The following ARMC9 variants were observed in gnomAD, a reference collection of about 807,000 sequenced individuals.
The protein encoded by ARMC9 is lisH domain-containing protein ARMC9.
In ARMC9, 94 loss-of-function variants were observed where a neutral mutation model predicts 107.0. The ratio of observed to expected loss-of-function variants is 0.88; its 90% CI spans 0.74 to 1.04. The LOEUF (loss-of-function observed/expected upper bound fraction) is 1.04. Ranked by LOEUF, ARMC9 falls within the 50% of genes least tolerant of loss-of-function variation. The probability of loss-of-function intolerance (pLI) is 0.00; values close to 1 mark genes in which losing one functional copy is unlikely to be tolerated. For missense variants in ARMC9, 942 were observed against 1,030.1 expected, an observed-to-expected ratio of 0.91 and a Z score of 1.17; for synonymous variants, 380 against 396.9, an observed-to-expected ratio of 0.96 and a Z score of 0.51.
At chr2:231,248,360 C>A (rs1268337792) in intron 9 of ARMC9, among the ~76,000 whole-genome samples, 1 of 152,142 alleles carries the variant, frequency 6.6e-6, no homozygotes, top group Non-Finnish European at 1.5e-5. Context: ...AGTGGCCTTT[C>A]TGGTTGTGTC....
chr2:231,307,919 A>G (rs986250790), intron 19 of ARMC9, among the ~76,000 whole-genome samples: 1 of 152,264 alleles, frequency 6.6e-6, no homozygotes, highest in Non-Finnish European at 1.5e-5. Flanking sequence ...ACTGCAGAGC[A>G]GGTGACATCC....
At chr2:231,229,355 G>A (rs917573953) in intron 7 of ARMC9, among the ~76,000 whole-genome samples, 6 of 152,150 alleles carry the variant, frequency 3.9e-5, no homozygotes, top group Admixed American at 6.6e-5. Context: ...ATTGTTCTGT[G>A]TATCTTGATA....
intron 12 of ARMC9, among the ~76,000 whole-genome samples, chr2:231,267,132 G>C (rs1027929591): frequency 2.6e-5 from 4 of 152,322 alleles, no homozygotes; most frequent in South Asian, 4.1e-4. Context: ...TCCCCTCTGG[G>C]GACATTGGTA....
At chr2:231,273,946 G>C (rs899833110) in intron 14 of ARMC9, among the ~76,000 whole-genome samples, 17 of 152,082 alleles carry the variant, frequency 1.1e-4, no homozygotes, top group African/African-American at 3.9e-4. Context: ...TCTGCTTTCT[G>C]TCGATTGACT....
At chr2:231,265,071 C>G (rs1039960773) in intron 12 of ARMC9, among the ~76,000 whole-genome samples, 1 of 151,826 alleles carries the variant, frequency 6.6e-6, no homozygotes, top group Non-Finnish European at 1.5e-5. Context: ...GCATTCTAGC[C>G]TGGCGACAGA....
intron 4 of ARMC9, 60 bp downstream of exon 4, chr2:231,215,061 G>C: frequency 1.9e-6 from 3 of 1,558,062 alleles, no homozygotes; most frequent in South Asian, 1.1e-5. Context: ...AGTGTTTGCT[G>C]TCATTGTCCA....
intron 18 of ARMC9, chr2:231,295,797 TCCTCTCTGTG>T (rs2041325019): frequency 6.5e-6 from 1 of 153,938 alleles, no homozygotes; most frequent in South Asian, 2.0e-4. Context: ...AGTCTCTCTT[TCCTCTCTGTG>T]CCTCTCTGTA....
At chr2:231,216,559 C>A in intron 4 of ARMC9, 79 bp from the exon 5 acceptor site, 1 of 1,479,174 alleles carries the variant, frequency 6.8e-7, no homozygotes, top group South Asian at 1.3e-5. Context: ...ACAGAAGGAG[C>A]CTCAGAGAGA....
intron 12 of ARMC9, 106 bp downstream of exon 12, chr2:231,262,504 A>G (rs2038463756): frequency 1.8e-6 from 2 of 1,108,952 alleles, no homozygotes; most frequent in Non-Finnish European, 2.7e-6. Flanking sequence ...TCAGCTTCGT[A>G]ACTGTATGTC....
chr2:231,215,716 T>TG (rs2033425582), intron 4 of ARMC9, among the ~76,000 whole-genome samples: 1 of 152,200 alleles, frequency 6.6e-6, no homozygotes, highest in Non-Finnish European at 1.5e-5. Context: ...CGTGCATTAA[T>TG]GACTGCCCTA....
rs778488064 is a variant in ARMC9, at chr2:231,256,604, G to T, written c.898G>T (p.Ala300Ser). 1.2e-5 allele frequency: 20 copies of T among 1,614,044 alleles called. No individual in the cohort carries two copies. The highest frequency in any genetic ancestry group is 1.7e-5 in the Non-Finnish European group (20 of 1,179,986). Residue 300 changes from alanine to serine, a missense_variant, in exon 10 of 25, where the codon GCC (alanine) becomes TCC (serine). Transcript: ENST00000611582. ...CCCCCAGGCATCCACCATGTTACGA[G>T]CCTCCTTGGCACCCGTGTAAGTAAC... ...RPGTASTMLR[A>S]SLAPVKLKDV...
chr2:231,275,163 G>A (rs1212610473), intron 14 of ARMC9, among the ~76,000 whole-genome samples: 2 of 152,174 alleles, frequency 1.3e-5, no homozygotes, highest in Non-Finnish European at 2.9e-5. Flanking sequence ...TGCAATAAAT[G>A]AAGAAGGTAG....
rs370829352 is a variant in ARMC9, at chr2:231,375,313, A to G, written c.*3778A>G. On this transcript the variant is annotated 3_prime_UTR_variant, in exon 25 of 25. Coordinates refer to ENST00000611582, the MANE Select transcript of ARMC9 (RefSeq NM_001352754.2). The surrounding 1 kb of genome is among the most constrained non-coding windows in gnomAD (Gnocchi z 4.3). ...CGGGGCTCCCATGGCAGTTAGAGAA[A>G]TCAAGCCCAAGTCTCATATCACGTT... is the stretch of plus-strand genomic sequence containing the variant. Among the ~76,000 whole-genome samples, 56 of 152,278 alleles carry G rather than the reference A, an allele frequency of 3.7e-4. No individual in the cohort carries two copies. Among genetic ancestry groups the G allele is most frequent in the African/African-American group, 1.2e-3 (51 of 41,546 alleles).
At chr2:231,238,506 T>C (rs2125368436) in intron 8 of ARMC9, among the ~76,000 whole-genome samples, 1 of 152,304 alleles carries the variant, frequency 6.6e-6, no homozygotes, top group Admixed American at 6.5e-5. Context: ...TGTGCCACCA[T>C]GCCTGGCTAA....
intron 20 of ARMC9, among the ~76,000 whole-genome samples, chr2:231,337,877 G>A (rs2044238553): frequency 6.6e-6 from 1 of 152,196 alleles, no homozygotes; most frequent in Non-Finnish European, 1.5e-5. Flanking sequence ...AAAAGTCAAA[G>A]TAACAGAACG....
chr2:231,349,060 G>A (rs1383111310), intron 21 of ARMC9, among the ~76,000 whole-genome samples: 1 of 152,194 alleles, frequency 6.6e-6, no homozygotes, highest in African/African-American at 2.4e-5. Context: ...GCTACCACAT[G>A]ATCCAGCAGT....
intron 16 of ARMC9, among the ~76,000 whole-genome samples, chr2:231,281,754 C>T (rs1559400079): frequency 6.6e-6 from 1 of 152,124 alleles, no homozygotes; most frequent in Non-Finnish European, 1.5e-5. Context: ...AACGATGACT[C>T]CAGAGTTTCT....
At chr2:231,293,290 G>A (rs911688969) in intron 18 of ARMC9, among the ~76,000 whole-genome samples, 17 of 152,186 alleles carry the variant, frequency 1.1e-4, no homozygotes, top group Non-Finnish European at 2.2e-4. Flanking sequence ...TGCTGCCTGA[G>A]GTTGCTCTCC....
intron 24 of ARMC9, chr2:231,371,050 C>T: frequency 2.2e-6 from 1 of 457,058 alleles, no homozygotes. Context: ...GGGAAACACA[C>T]CCAAAACCCC....
Sources: allele counts gnomAD v4.1 joint callset (sites outside exome capture counted in the v4.1 genomes callset), GRCh38; gene constraint gnomAD v4.1.1; non-coding constraint Gnocchi (gnomAD v3.1); transcripts MANE v1.5; gene names NCBI Gene and HGNC (gene_info 2026-07-23, HGNC 2026-07-21).